PDXDC1: variants seen among roughly 807,000 people sequenced by gnomAD.
PDXDC1 encodes pyridoxal-dependent decarboxylase domain-containing protein 1.
PDXDC1 carries 42 observed loss-of-function variants against 100.1 expected under a neutral mutation model. The observed-to-expected ratio is 0.42, with a 90% CI of 0.33 to 0.54. PDXDC1 has a LOEUF of 0.54. PDXDC1 is among the 20% of genes least tolerant of loss of function. PDXDC1 has a pLI of 0.10. For missense variants in PDXDC1, 636 were observed against 979.2 expected (o/e 0.65, Z 4.68); for synonymous variants, 260 against 371.7 (o/e 0.70, Z 3.46).
chr16:15,122,823 G>GGGGGAGGGGGA (rs2047493046), intron 16 of PDXDC1, among the ~76,000 whole-genome samples: 1 of 36,946 alleles, frequency 2.7e-5, no homozygotes, highest in Non-Finnish European at 7.2e-5. Flanking sequence ...GAGTTGGGGA[G>GGGGGAGGGGGA]GGGGAGGGGA....
intron 16 of PDXDC1, chr16:15,071,183 G>C: frequency 6.2e-7 from 1 of 1,610,712 alleles, no homozygotes; most frequent in Non-Finnish European, 8.5e-7. Flanking sequence ...CAGCCTGCCT[G>C]ATGATGGCAG....
intron 16 of PDXDC1, among the ~76,000 whole-genome samples, chr16:15,082,050 T>A (rs2045727781): frequency 1.3e-5 from 2 of 152,246 alleles, no homozygotes; most frequent in South Asian, 4.1e-4. Flanking sequence ...TAAAATCACC[T>A]TGCAAAAGAG....
chr16:15,095,186 G>A (rs1399775267), intron 16 of PDXDC1, among the ~76,000 whole-genome samples: 2 of 152,004 alleles, frequency 1.3e-5, no homozygotes, highest in Non-Finnish European at 2.9e-5. Context: ...ACCAACAAAA[G>A]AGCCACTGGC....
chr16:15,025,836 A>G (rs1362557891), intron 13 of PDXDC1: 1 of 152,460 alleles, frequency 6.6e-6, no homozygotes, highest in Non-Finnish European at 1.5e-5. Flanking sequence ...TGGCTTGACC[A>G]AGTCAGGGTA....
the PDXDC1 span, among the ~76,000 whole-genome samples, chr16:15,145,760 G>C: frequency 6.6e-6 from 1 of 152,284 alleles, no homozygotes; most frequent in Admixed American, 6.5e-5. Context: ...TCTGCAGGGA[G>C]ACTGTGACGC....
intron 16 of PDXDC1, chr16:15,127,048 G>T (rs1405700140): frequency 2.9e-6 from 1 of 349,916 alleles, no homozygotes; most frequent in African/African-American, 2.1e-5. Flanking sequence ...TCGGCCTCCT[G>T]AAGTGTTGGG....
chr16:14,990,087 A>C, intron 1 of PDXDC1: 3 of 1,490,254 alleles, frequency 2.0e-6, no homozygotes, highest in Admixed American at 2.1e-5. Flanking sequence ...GAGGCCAAGC[A>C]GGCAGAGGAG....
At chr16:15,094,189 G>C (rs781068032) in intron 16 of PDXDC1, 3 of 1,601,322 alleles carry the variant, frequency 1.9e-6, no homozygotes, top group South Asian at 1.1e-5. Context: ...AGGACGAAGC[G>C]GCCGCATCTC....
intron 16 of PDXDC1, chr16:15,072,838 C>T (rs1374315973): frequency 4.6e-6 from 5 of 1,094,862 alleles, no homozygotes; most frequent in Non-Finnish European, 6.6e-6. Context: ...AGCAAGTAAG[C>T]TCAAAGAAAA....
intron 16 of PDXDC1, chr16:15,133,266 C>G (rs1167682850): frequency 8.9e-6 from 14 of 1,575,404 alleles, no homozygotes; most frequent in Non-Finnish European, 1.1e-5. Flanking sequence ...GCACTCACCT[C>G]GTTCAGGACG....
At chr16:15,140,718 GC>G (rs1474152889), downstream of PDXDC1, among the ~76,000 whole-genome samples, 1 of 152,016 alleles carries the variant, frequency 6.6e-6, no homozygotes, top group African/African-American at 2.4e-5. Context: ...GAGAGCTGGG[GC>G]AAACCGAGAA....
At chr16:15,048,200 G>A (rs565197838) in intron 16 of PDXDC1, 36 of 740,650 alleles carry the variant, frequency 4.9e-5, no homozygotes, top group African/African-American at 4.4e-4. Context: ...TGGGCAGCAC[G>A]CTAGTGTGTG....
chr16:15,127,971 G>C (rs762144231), intron 16 of PDXDC1: 4 of 1,571,718 alleles, frequency 2.5e-6, no homozygotes, highest in African/African-American at 1.3e-5. Flanking sequence ...CACGGAGTGG[G>C]AACATGGAAC....
chr16:15,048,191 G>A (rs1466359343), intron 16 of PDXDC1: 2 of 814,068 alleles, frequency 2.5e-6, no homozygotes, highest in African/African-American at 1.7e-5. Flanking sequence ...GGCTCTGCGT[G>A]GGCAGCACGC....
At chr16:15,009,412 C>T (rs2041070141) in intron 7 of PDXDC1, 1 of 566,422 alleles carries the variant, frequency 1.8e-6, no homozygotes, top group East Asian at 3.6e-5. Flanking sequence ...GAGAACATTT[C>T]ATTTAAATGT....
intron 16 of PDXDC1, 137 bp from the exon 17 acceptor site, chr16:15,031,598 T>C: frequency 3.0e-6 from 2 of 667,428 alleles, no homozygotes. Flanking sequence ...GAGGGCCTTT[T>C]TTTGTTTAAA....
At chr16:15,133,314 G>A in intron 16 of PDXDC1, 1 of 1,557,292 alleles carries the variant, frequency 6.4e-7, no homozygotes, top group Non-Finnish European at 8.7e-7. Flanking sequence ...ACGTGCTGGG[G>A]ATCGGCCTGC....
the PDXDC1 span, among the ~76,000 whole-genome samples, chr16:15,151,417 T>G: frequency 1.2e-5 from 1 of 86,208 alleles, no homozygotes; most frequent in Non-Finnish European, 2.2e-5. Flanking sequence ...AGAGCAAGAC[T>G]CCGTCTCAAA....
Position 15,031,879 on chromosome 16 carries a change from C to G in PDXDC1, c.1544C>G (p.Pro515Arg). 1 of 1,612,724 alleles carries G rather than the reference C, an allele frequency of 6.2e-7. No homozygotes were observed. The highest frequency in any genetic ancestry group is 8.5e-7 in the Non-Finnish European group (1 of 1,179,320). The change falls in exon 17 of 23, where the codon CCT (proline) becomes CGT (arginine). Residue 515 changes from proline (P) to arginine (R), a missense_variant. Physicochemically the swap from Pro to Arg is moderately radical, Grantham distance 103. Transcript: ENST00000396410. ...GCAGGTCTCCTATATGTTGATGACC[C>G]TAACTGGTCTGGAATAGGGGTTGTC... ...ATAGLLYVDD[P>R]NWSGIGVVRY... is the part of the protein sequence containing the mutation.
Sources: allele counts gnomAD v4.1 joint callset (sites outside exome capture counted in the v4.1 genomes callset), GRCh38; gene constraint gnomAD v4.1.1; transcripts MANE v1.5; gene names NCBI Gene and HGNC (gene_info 2026-07-23, HGNC 2026-07-21).